RAB31: variants seen among roughly 807,000 people sequenced by gnomAD.
RAB31 encodes RAB31, member RAS oncogene family, also known as ras-related protein Rab-31.
RAB31 carries 21 observed loss-of-function variants against 25.6 expected under a neutral mutation model. The ratio of observed to expected loss-of-function variants is 0.82; its 90% CI spans 0.58 to 1.18. The LOEUF (loss-of-function observed/expected upper bound fraction) is 1.18, where lower values mean the gene tolerates loss of function less well. Ranked by LOEUF, RAB31 falls within the 50% of genes most tolerant of loss-of-function variation. The pLI is 0.00. For synonymous variants in RAB31, 87 were observed against 84.0 expected (o/e 1.04, Z -0.20); for missense variants, 196 against 250.1 (o/e 0.78, Z 1.46).
At chr18:9,748,179 T>C (rs551117428) in intron 1 of RAB31, among the ~76,000 whole-genome samples, 7 of 152,230 alleles carry the variant, frequency 4.6e-5, no homozygotes, top group African/African-American at 1.4e-4. Flanking sequence ...GGGACAGCAG[T>C]GTAGGGAGAA....
At chr18:9,717,531 AT>A (rs11287760) in intron 1 of RAB31, among the ~76,000 whole-genome samples, 16,700 of 151,222 alleles carry the variant, frequency 0.11, 1,034 homozygotes, top group South Asian at 0.24. Context: ...CTATCAATGT[AT>A]TTTTTTTTGA....
intron 3 of RAB31, among the ~76,000 whole-genome samples, chr18:9,807,861 C>T (rs929657673): frequency 6.6e-6 from 1 of 151,942 alleles, no homozygotes. Context: ...ACCTGTAGTC[C>T]CAGGTACCTG....
At chr18:9,804,237 A>G (rs2068528551) in intron 3 of RAB31, among the ~76,000 whole-genome samples, 1 of 152,142 alleles carries the variant, frequency 6.6e-6, no homozygotes, top group Non-Finnish European at 1.5e-5. Flanking sequence ...CCCTTCTTCC[A>G]TATGCCCCCT....
intron 2 of RAB31, among the ~76,000 whole-genome samples, chr18:9,789,862 T>G (rs998280996): frequency 1.3e-5 from 2 of 152,220 alleles, no homozygotes; most frequent in African/African-American, 4.8e-5. Flanking sequence ...GAATTTTCAT[T>G]TATTGCAATT....
At chr18:9,724,722 T>C (rs2068089487) in intron 1 of RAB31, among the ~76,000 whole-genome samples, 1 of 152,244 alleles carries the variant, frequency 6.6e-6, no homozygotes, top group South Asian at 2.1e-4. Context: ...GATGTCATTA[T>C]GCAGATGAGC....
intron 1 of RAB31, among the ~76,000 whole-genome samples, chr18:9,772,909 G>A (rs962141634): frequency 6.6e-5 from 10 of 152,190 alleles, no homozygotes; most frequent in Non-Finnish European, 1.5e-4. Flanking sequence ...GATGAAAAGA[G>A]TTGTGGTTTG....
At chr18:9,849,198 T>C (rs1454261934) in intron 6 of RAB31, among the ~76,000 whole-genome samples, 1 of 152,166 alleles carries the variant, frequency 6.6e-6, no homozygotes, top group Admixed American at 6.5e-5. Flanking sequence ...TTTTGGTTTG[T>C]TCTGCCATTT....
chr18:9,835,766 C>G (rs2068701245), intron 5 of RAB31, among the ~76,000 whole-genome samples: 1 of 152,036 alleles, frequency 6.6e-6, no homozygotes. Flanking sequence ...TTCCTTCTCA[C>G]AGGTAAAAAT....
chr18:9,713,730 G>A lies in RAB31; in HGVS notation c.39+5286G>A, dbSNP rs141622631. 9.9e-5 allele frequency among the ~76,000 whole-genome samples: 15 copies of A among 152,268 alleles called. No homozygotes were observed. In the East Asian group the frequency reaches 2.9e-3, roughly 29 times the overall value. On this transcript the variant is annotated intron_variant, in intron 1 of 6. Coordinates refer to ENST00000578921, the MANE Select transcript of RAB31 (RefSeq NM_006868.4). ...GTCACAAAAATACCATAGGCTGGAGGGCTTAAACAATAGACATTTAATTCT... is the reference window on the plus strand; with the variant it reads ...GTCACAAAAATACCATAGGCTGGAGAGCTTAAACAATAGACATTTAATTCT...
intron 1 of RAB31, among the ~76,000 whole-genome samples, chr18:9,728,586 G>A (rs2068106449): frequency 6.6e-6 from 1 of 152,128 alleles, no homozygotes; most frequent in Non-Finnish European, 1.5e-5. Flanking sequence ...CACCTAGGCA[G>A]GAGTGCAGTG....
intron 3 of RAB31, among the ~76,000 whole-genome samples, chr18:9,795,471 T>C (rs2068482523): frequency 6.6e-6 from 1 of 152,148 alleles, no homozygotes. Flanking sequence ...GGAGAAAATC[T>C]TCACAATCCA....
intron 1 of RAB31, among the ~76,000 whole-genome samples, chr18:9,756,617 G>T (rs1460582511): frequency 1.3e-5 from 2 of 152,134 alleles, no homozygotes; most frequent in Non-Finnish European, 2.9e-5. Flanking sequence ...TGTTTCTTTT[G>T]TCTGCTCTAT....
chr18:9,797,796 A>G (rs2068494210), intron 3 of RAB31, among the ~76,000 whole-genome samples: 1 of 152,196 alleles, frequency 6.6e-6, no homozygotes, highest in African/African-American at 2.4e-5. Context: ...TTTTCATTTG[A>G]TATTACAGTG....
intron 1 of RAB31, among the ~76,000 whole-genome samples, chr18:9,755,071 C>T (rs993775108): frequency 4.6e-5 from 7 of 152,046 alleles, no homozygotes; most frequent in South Asian, 2.1e-4. Context: ...AACTGTAAGG[C>T]GTCACACTAG....
intron 5 of RAB31, among the ~76,000 whole-genome samples, chr18:9,823,141 A>G (rs1195037219): frequency 3.9e-5 from 6 of 152,188 alleles, no homozygotes; most frequent in African/African-American, 7.2e-5. Flanking sequence ...AATTGTGCCG[A>G]GTGAATGAAG....
intron 1 of RAB31, among the ~76,000 whole-genome samples, chr18:9,769,420 A>G (rs1372193261): frequency 6.6e-6 from 1 of 152,114 alleles, no homozygotes; most frequent in Non-Finnish European, 1.5e-5. Flanking sequence ...CATCCCTTGT[A>G]AGTTGTATTT....
chr18:9,799,117 A>G (rs763462052), intron 3 of RAB31, among the ~76,000 whole-genome samples: 31 of 152,140 alleles, frequency 2.0e-4, no homozygotes, highest in Admixed American at 5.9e-4. Context: ...AGGTCTTGCT[A>G]TGTTGTGCAG....
At chr18:9,711,648 C>G (rs1222639218) in intron 1 of RAB31, among the ~76,000 whole-genome samples, 1 of 152,194 alleles carries the variant, frequency 6.6e-6, no homozygotes, top group Non-Finnish European at 1.5e-5. Context: ...GGAGGTCTGT[C>G]TTTTCTGGGT....
intron 1 of RAB31, among the ~76,000 whole-genome samples, chr18:9,740,672 C>T (rs1171136050): frequency 6.6e-6 from 1 of 151,886 alleles, no homozygotes; most frequent in East Asian, 1.9e-4. Context: ...AAGATTGCAC[C>T]ACTGCACTCC....
Sources: gnomAD v4.1 joint callset for allele counts (sites outside exome capture counted in the v4.1 genomes callset) on GRCh38, gnomAD v4.1.1 for gene constraint, MANE v1.5 for transcripts, NCBI Gene and HGNC (gene_info 2026-07-23, HGNC 2026-07-21) for gene names.